Variants in DPP6 observed in about 807,000 individuals in gnomAD.
The protein encoded by DPP6 is dipeptidyl peptidase like 6.
A neutral mutation model predicts 122.6 loss-of-function variants in DPP6; 69 were observed. That is an observed-to-expected ratio of 0.56 (90% CI 0.46 to 0.69). DPP6 has a LOEUF of 0.69. Ranked by LOEUF, DPP6 falls within the 30% of genes least tolerant of loss-of-function variation. The probability of loss-of-function intolerance (pLI) is 0.00; values close to 1 mark genes in which losing one functional copy is unlikely to be tolerated. For missense variants in DPP6, 928 were observed against 1,116.9 expected (o/e 0.83, Z 2.41); for synonymous variants, 418 against 433.1 (o/e 0.97, Z 0.43).
At chr7:154,494,756 T>C (rs1457115158) in intron 3 of DPP6, among the ~76,000 whole-genome samples, 3 of 152,184 alleles carry the variant, frequency 2.0e-5, no homozygotes, top group African/African-American at 7.2e-5. Context: ...CCCAACCCAC[T>C]GTCTTTCCAT....
chr7:154,246,110 A>G (rs565028885), intron 1 of DPP6, among the ~76,000 whole-genome samples: 2 of 152,226 alleles, frequency 1.3e-5, no homozygotes, highest in Non-Finnish European at 2.9e-5. Context: ...TAGAAAAAGC[A>G]TAACATGTTT....
At chr7:153,885,925 T>C (rs1412407917), upstream of DPP6, among the ~76,000 whole-genome samples, 2 of 152,204 alleles carry the variant, frequency 1.3e-5, no homozygotes, top group Non-Finnish European at 2.9e-5. Flanking sequence ...GCATTGTGGA[T>C]AACTTACATG....
intron 1 of DPP6, among the ~76,000 whole-genome samples, chr7:154,333,655 T>A (rs1809148364): frequency 6.6e-6 from 1 of 152,202 alleles, no homozygotes; most frequent in Non-Finnish European, 1.5e-5. Context: ...CATTGTAAGA[T>A]GCACTAGGGA....
chr7:154,181,604 TTA>T (rs1798085613), intron 1 of DPP6, among the ~76,000 whole-genome samples: 1 of 152,208 alleles, frequency 6.6e-6, no homozygotes, highest in Admixed American at 6.5e-5. Context: ...TAGCCCATTT[TTA>T]TATGTTTAAT....
chr7:154,816,118 G>A (rs1308881838), intron 16 of DPP6, among the ~76,000 whole-genome samples: 1 of 152,142 alleles, frequency 6.6e-6, no homozygotes, highest in Non-Finnish European at 1.5e-5. Flanking sequence ...GCGACCTTGG[G>A]CATCTTGGTT....
In DPP6 at chr7:154,760,618, G is replaced by A. The variant is rs1795476015; in HGVS notation, c.884-8799G>A. On this transcript the variant is annotated intron_variant, in intron 8 of 25. Transcript: ENST00000377770. This position sits in a 1 kb window ranked among gnomAD's most constrained non-coding sequence, Gnocchi z 4.5. Reference sequence around the variant, plus strand: ...TGTCTCTTGAGCAACTGAGTGGGTGGATGACCCAGTCGATTAACAAATGAG... The same window carrying A: ...TGTCTCTTGAGCAACTGAGTGGGTGAATGACCCAGTCGATTAACAAATGAG... 1.3e-5 allele frequency among the ~76,000 whole-genome samples: 2 copies of A among 152,244 alleles called. No homozygotes were observed. The highest frequency in any genetic ancestry group is 1.5e-5 in the Non-Finnish European group (1 of 68,022).
intron 5 of DPP6, among the ~76,000 whole-genome samples, chr7:154,610,537 G>T (rs993576883): frequency 2.6e-5 from 4 of 152,174 alleles, no homozygotes; most frequent in African/African-American, 4.8e-5. Flanking sequence ...CCTGTCTTAT[G>T]TAGCTAAAAG....
At chr7:154,431,486 CTT>C (rs56911162) in intron 1 of DPP6, among the ~76,000 whole-genome samples, 1 of 26,924 alleles carries the variant, frequency 3.7e-5, no homozygotes, top group South Asian at 1.6e-3. Flanking sequence ...CTTTTCTTTT[CTT>C]TTCTTTTCTT....
At chr7:154,574,730 G>A (rs960621066) in intron 5 of DPP6, among the ~76,000 whole-genome samples, 4 of 141,040 alleles carry the variant, frequency 2.8e-5, no homozygotes, top group African/African-American at 7.9e-5. Context: ...TGGGGTGTAC[G>A]TGTGTGGTGT....
intron 1 of DPP6, among the ~76,000 whole-genome samples, chr7:154,215,680 T>G (rs1799958463): frequency 6.6e-6 from 1 of 152,088 alleles, no homozygotes; most frequent in African/African-American, 2.4e-5. Flanking sequence ...CAGACAGTCT[T>G]TTGGAAATGC....
Position 153,997,593 on chromosome 7 carries a change from G to GCACACACACACACACACACACACACA in DPP6, c.51+109882_51+109883insACACACACACACACACACACACACAC, listed in dbSNP as rs3980023. Among the ~76,000 whole-genome samples the GCACACACACACACACACACACACACA allele has an allele frequency of 5.5e-5, 8 of 146,088 alleles. No individual in the cohort carries two copies. The East Asian group carries it at 1.6e-3, about 30-fold the overall frequency. ...TATTCTCTTTGAGTATGAGTGCACA[G>GCACACACACACACACACACACACACA]CACACACACACACACACACACACCT... On this transcript the variant is annotated intron_variant, in intron 1 of 25. Transcript: ENST00000404039.
At chr7:154,413,024 T>C (rs537045571) in intron 1 of DPP6, among the ~76,000 whole-genome samples, 14 of 152,334 alleles carry the variant, frequency 9.2e-5, no homozygotes, top group South Asian at 8.3e-4. Context: ...TGGGAGTTCA[T>C]GAGAAATGCA....
intron 1 of DPP6, among the ~76,000 whole-genome samples, chr7:154,396,020 C>A (rs1815054606): frequency 6.6e-6 from 1 of 151,226 alleles, no homozygotes. Flanking sequence ...GAGATTATTA[C>A]ATTGATTGCT....
chr7:154,804,068 C>T, intron 14 of DPP6, 113 bp downstream of exon 14: 1 of 1,297,826 alleles, frequency 7.7e-7, no homozygotes, highest in South Asian at 1.4e-5. Context: ...CTCTTTCCTC[C>T]TCAGGCAGCA....
At chr7:154,765,761 G>A (rs563458962) in intron 8 of DPP6, among the ~76,000 whole-genome samples, 4 of 152,288 alleles carry the variant, frequency 2.6e-5, no homozygotes, top group African/African-American at 9.6e-5. Context: ...GACAGGGAAG[G>A]TGAAGAAAAG....
chr7:153,903,286 G>A (rs1462988249), intron 1 of DPP6, among the ~76,000 whole-genome samples: 1 of 152,182 alleles, frequency 6.6e-6, no homozygotes, highest in Non-Finnish European at 1.5e-5. Context: ...AGGGGTGATC[G>A]GAGTGGCCAC....
intron 8 of DPP6, among the ~76,000 whole-genome samples, chr7:154,733,816 C>T (rs1842451684): frequency 6.6e-6 from 1 of 152,214 alleles, no homozygotes; most frequent in South Asian, 2.1e-4. Flanking sequence ...CTTTGTTCAT[C>T]CAGATTCCCA....
At chr7:154,310,403 C>T (rs1303552663) in intron 1 of DPP6, among the ~76,000 whole-genome samples, 3 of 152,206 alleles carry the variant, frequency 2.0e-5, no homozygotes. Flanking sequence ...TGCAAATCAG[C>T]AAGTGCCATT....
At chr7:154,079,472 A>C (rs1055544565) in intron 1 of DPP6, among the ~76,000 whole-genome samples, 1 of 152,210 alleles carries the variant, frequency 6.6e-6, no homozygotes, top group African/African-American at 2.4e-5. Flanking sequence ...TCACCCCGAA[A>C]ACCCAAGAAT....
Sources: gnomAD v4.1 joint callset for allele counts (sites outside exome capture counted in the v4.1 genomes callset) on GRCh38, gnomAD v4.1.1 for gene constraint, Gnocchi (gnomAD v3.1) non-coding constraint, MANE v1.5 for transcripts, NCBI Gene and HGNC (gene_info 2026-07-23, HGNC 2026-07-21) for gene names.